Variants in ZC3H12B observed in about 807,000 individuals in gnomAD.
ZC3H12B encodes zinc finger CCCH-type containing 12B, also known as probable ribonuclease ZC3H12B.
A neutral mutation model predicts 43.9 loss-of-function variants in ZC3H12B; 7 were observed. That is an observed-to-expected ratio of 0.16 (90% confidence interval 0.09 to 0.30). The LOEUF (loss-of-function observed/expected upper bound fraction) is 0.30. Ranked by LOEUF, ZC3H12B falls within the 10% of genes least tolerant of loss-of-function variation. ZC3H12B has a pLI of 1.00. For synonymous variants in ZC3H12B, 222 were observed against 241.7 expected (o/e 0.92, Z 0.76); for missense variants, 475 against 670.2 (o/e 0.71, Z 3.22).
chrX:65,054,319 C>T, the ZC3H12B span, among the ~76,000 whole-genome samples: 1 of 111,642 alleles, frequency 9.0e-6, no homozygotes, highest in Non-Finnish European at 1.9e-5. Flanking sequence ...TTTCAGCTTT[C>T]TACATATGGC....
chrX:65,099,557 A>T, the ZC3H12B span, among the ~76,000 whole-genome samples: 1 of 111,700 alleles, frequency 9.0e-6, no homozygotes, highest in South Asian at 3.8e-4. Flanking sequence ...GCTGTTCTGT[A>T]GCCTCTGCTT....
At chrX:65,211,370 TAAAA>T in the ZC3H12B span, among the ~76,000 whole-genome samples, 4 of 108,849 alleles carry the variant, frequency 3.7e-5, no homozygotes, top group African/African-American at 1.3e-4. Flanking sequence ...TAAAATAACA[TAAAA>T]AACCAAAGAG....
intron 3 of ZC3H12B, among the ~76,000 whole-genome samples, chrX:65,449,670 C>A (rs1034078805): frequency 9.0e-6 from 1 of 110,835 alleles, no homozygotes; most frequent in Non-Finnish European, 1.9e-5. Context: ...TACTACTCTG[C>A]CATAAATGAG....
At chrX:65,154,967 G>T in the ZC3H12B span, among the ~76,000 whole-genome samples, 3 of 102,159 alleles carry the variant, frequency 2.9e-5, no homozygotes, top group South Asian at 8.5e-4. Flanking sequence ...GTTTGCTAAG[G>T]TTTTTTTTTT....
At chrX:65,474,593 C>A (rs2148202281) in intron 3 of ZC3H12B, among the ~76,000 whole-genome samples, 1 of 111,095 alleles carries the variant, frequency 9.0e-6, no homozygotes, top group East Asian at 2.8e-4. Flanking sequence ...TTTCTCTTTT[C>A]TATCTCGCTT....
upstream of ZC3H12B, among the ~76,000 whole-genome samples, chrX:65,364,022 A>C (rs759067365): frequency 9.0e-6 from 1 of 111,028 alleles, no homozygotes; most frequent in African/African-American, 3.3e-5. Flanking sequence ...TCTCTGATAC[A>C]CCTGGCATTC....
the ZC3H12B span, among the ~76,000 whole-genome samples, chrX:65,318,853 A>C: frequency 8.9e-6 from 1 of 111,900 alleles, no homozygotes. Flanking sequence ...TTAAGGCAGA[A>C]ATCAAGAAAT....
chrX:65,274,377 G>A, the ZC3H12B span, among the ~76,000 whole-genome samples: 1 of 110,329 alleles, frequency 9.1e-6, no homozygotes, highest in Non-Finnish European at 1.9e-5. Flanking sequence ...GCCTGCTCTA[G>A]GGGCCAGTAG....
chrX:65,227,643 A>G, the ZC3H12B span, among the ~76,000 whole-genome samples: 1 of 111,610 alleles, frequency 9.0e-6, no homozygotes, highest in African/African-American at 3.3e-5. Flanking sequence ...TAGCAAGACT[A>G]ATAAAGAAGA....
At chrX:65,354,473 C>T in the ZC3H12B span, among the ~76,000 whole-genome samples, 2 of 111,761 alleles carry the variant, frequency 1.8e-5, no homozygotes, top group African/African-American at 3.3e-5. Flanking sequence ...ACATCAAAGA[C>T]CAAAGGTAGA....
chrX:65,115,306 T>C, the ZC3H12B span, among the ~76,000 whole-genome samples: 1 of 110,733 alleles, frequency 9.0e-6, no homozygotes, highest in Non-Finnish European at 1.9e-5. Context: ...TGATGATATT[T>C]GGTTTTCCAT....
intron 2 of ZC3H12B, among the ~76,000 whole-genome samples, chrX:65,395,403 G>A (rs1223510773): frequency 8.9e-6 from 1 of 111,985 alleles, no homozygotes; most frequent in Admixed American, 9.5e-5. Flanking sequence ...TTTATTGAGA[G>A]TTTTTAGCAT....
At chrX:65,379,077 C>T (rs969717007) in intron 2 of ZC3H12B, among the ~76,000 whole-genome samples, 6 of 111,944 alleles carry the variant, frequency 5.4e-5, no homozygotes, top group East Asian at 5.6e-4. Context: ...ACAAAGCAGC[C>T]GGGAAGCTCG....
At chrX:65,187,942 C>A in the ZC3H12B span, among the ~76,000 whole-genome samples, 1 of 111,045 alleles carries the variant, frequency 9.0e-6, no homozygotes, top group African/African-American at 3.3e-5. Context: ...TCATCCCTAA[C>A]CTTACCCTCC....
the ZC3H12B span, among the ~76,000 whole-genome samples, chrX:65,220,606 G>A: frequency 9.0e-6 from 1 of 111,654 alleles, no homozygotes; most frequent in East Asian, 2.8e-4. Context: ...AGACATAGAG[G>A]GACATTATGT....
chrX:65,202,480 A>C, the ZC3H12B span, among the ~76,000 whole-genome samples: 3 of 110,075 alleles, frequency 2.7e-5, no homozygotes, highest in Non-Finnish European at 3.8e-5. Context: ...GTGGCTTTGC[A>C]TACTCAGATT....
the ZC3H12B span, among the ~76,000 whole-genome samples, chrX:65,303,579 C>T: frequency 1.8e-5 from 2 of 111,407 alleles, no homozygotes; most frequent in East Asian, 2.8e-4. Context: ...TAGTACAAAA[C>T]TTAATGTTGG....
At chrX:65,450,670 CATGTGTATATATGTATATGTATACAT>C (rs756629893) in intron 3 of ZC3H12B, among the ~76,000 whole-genome samples, 6,680 of 12,004 alleles carry the variant, frequency 0.56, 2,457 homozygotes, top group East Asian at 0.67. Flanking sequence ...TATATGTATA[CATGTGTATATATGTATATGTATACAT>C]ATGTGTATAT....
the ZC3H12B span, among the ~76,000 whole-genome samples, chrX:65,123,240 G>A: frequency 1.3e-4 from 15 of 111,739 alleles, no homozygotes; most frequent in South Asian, 3.7e-4. Context: ...ATTGATTTGC[G>A]TATGTTGAAC....
Sources: gnomAD v4.1 joint callset for allele counts (sites outside exome capture counted in the v4.1 genomes callset) on GRCh38, gnomAD v4.1.1 for gene constraint, MANE v1.5 for transcripts, NCBI Gene and HGNC (gene_info 2026-07-23, HGNC 2026-07-21) for gene names.